LASP1: variants seen among roughly 807,000 people sequenced by gnomAD.
The protein encoded by LASP1 is LIM and SH3 protein 1, also known as LIM and SH3 domain protein 1.
In LASP1, 10 loss-of-function variants were observed where a neutral mutation model predicts 38.6. The observed-to-expected ratio is 0.26, with a 90% CI of 0.16 to 0.44. The LOEUF is 0.44. LASP1 is among the 20% of genes least tolerant of loss of function. LASP1 has a pLI of 1.00. For missense variants in LASP1, 243 were observed against 375.7 expected (o/e 0.65, Z 2.92); for synonymous variants, 132 against 140.8 (o/e 0.94, Z 0.44).
At chr17:38,888,318 G>A (rs1030566756) in intron 2 of LASP1, among the ~76,000 whole-genome samples, 1 of 150,610 alleles carries the variant, frequency 6.6e-6, no homozygotes. Flanking sequence ...TCTTGCTCTC[G>A]CCCAGACTAG....
At chr17:38,905,403 G>A (rs1024250398) in intron 4 of LASP1, among the ~76,000 whole-genome samples, 3 of 151,752 alleles carry the variant, frequency 2.0e-5, no homozygotes, top group Non-Finnish European at 2.9e-5. Flanking sequence ...TGGCGCACTC[G>A]GTGGCGCAAT....
intron 4 of LASP1, among the ~76,000 whole-genome samples, chr17:38,908,889 CGTT>C (rs1374860865): frequency 2.0e-5 from 3 of 152,224 alleles, no homozygotes; most frequent in Non-Finnish European, 2.9e-5. Flanking sequence ...GCAGCAGAGA[CGTT>C]GTGCGGAGGG....
rs1411083721 is a variant in LASP1, at chr17:38,918,513, T to C, written c.613-92T>C. 4.7e-6 allele frequency: 6 copies of C among 1,289,384 alleles called. No homozygotes were observed. Among genetic ancestry groups the C allele is most frequent in the Non-Finnish European group, 6.4e-6 (6 of 934,764 alleles). 79.9% of individuals were successfully genotyped at this position (1,289,384 alleles called of 1,614,324 possible). A position where few individuals can be genotyped will look rare whatever the true frequency, so the allele number is the denominator to read the frequency against. On this transcript the variant is annotated intron_variant, in intron 6 of 6. Coordinates refer to ENST00000318008, the MANE Select transcript of LASP1 (RefSeq NM_006148.4). This position sits in a 1 kb window ranked among gnomAD's most constrained non-coding sequence, Gnocchi z 4.4. ...TTCTGAGTTCACTGCTCCCCCAGGC[T>C]CTGCTCCAGGGTCGTGGAGAGTTAG...
intron 4 of LASP1, among the ~76,000 whole-genome samples, chr17:38,905,587 AT>A (rs1465921704): frequency 6.6e-6 from 1 of 150,582 alleles, no homozygotes; most frequent in African/African-American, 2.4e-5. Flanking sequence ...ATGCGGAACT[AT>A]TTTCCAAGTG....
intron 4 of LASP1, among the ~76,000 whole-genome samples, chr17:38,911,014 C>T (rs1341031609): frequency 6.6e-6 from 1 of 152,130 alleles, no homozygotes; most frequent in African/African-American, 2.4e-5. Flanking sequence ...TGAGTCACCG[C>T]GCCCGGCCAG....
chr17:38,877,973 C>A lies in LASP1; in HGVS notation c.70-113C>A, dbSNP rs965455943. 1.4e-5 allele frequency: 10 copies of A among 737,612 alleles called. No individual in the cohort carries two copies. The Admixed American group carries it at 2.3e-4, about 17-fold the overall frequency. 45.7% of individuals were successfully genotyped at this position (737,612 alleles called of 1,614,324 possible). On this transcript the variant is annotated intron_variant, in intron 1 of 6. Coordinates refer to ENST00000318008, the MANE Select transcript of LASP1 (RefSeq NM_006148.4). Reference sequence around the variant, plus strand: ...CTGGGATGATTCCATGTTCTCCCCACAGCCATGGGCCTAGGACAGTCCCAG... The same window carrying A: ...CTGGGATGATTCCATGTTCTCCCCAAAGCCATGGGCCTAGGACAGTCCCAG...
intron 4 of LASP1, among the ~76,000 whole-genome samples, chr17:38,912,484 A>G (rs1914984471): frequency 6.7e-6 from 1 of 149,864 alleles, no homozygotes; most frequent in African/African-American, 2.5e-5. Context: ...GTGCCGCAGG[A>G]TCTGGTTGCC....
At chr17:38,914,116 G>A (rs968028002) in intron 4 of LASP1, among the ~76,000 whole-genome samples, 9 of 152,168 alleles carry the variant, frequency 5.9e-5, no homozygotes, top group Admixed American at 4.6e-4. Flanking sequence ...AGGGAGACTG[G>A]TGTCTCATTT....
At chr17:38,915,626 CTCT>C (rs1439899655) in intron 6 of LASP1, 4 of 152,854 alleles carry the variant, frequency 2.6e-5, no homozygotes, top group Non-Finnish European at 5.8e-5. Context: ...CTAAAAAGAG[CTCT>C]TCGTGTTGGT....
chr17:38,879,161 C>T (rs79485236), intron 2 of LASP1, among the ~76,000 whole-genome samples: 5 of 123,678 alleles, frequency 4.0e-5, no homozygotes, highest in Non-Finnish European at 4.9e-5. Context: ...TTTTAATTTG[C>T]TTTTTTTTTT....
In LASP1 at chr17:38,918,685, C is replaced by T. The variant is rs747508790; in HGVS notation, c.693C>T (p.Asn231=). 7 of 1,613,822 alleles carry T rather than the reference C, an allele frequency of 4.3e-6. No individual in the cohort carries two copies. Among genetic ancestry groups the T allele is most frequent in the Admixed American group, 1.7e-5 (1 of 59,980 alleles). ...VSFQDGDTIV[N]VQQIDDGWMY... ...TCCAGGACGGGGACACCATCGTCAA[C>T]GTGCAGCAGATCGACGACGGCTGGA... Residue 231 remains asparagine (N), a synonymous_variant, in exon 7 of 7, where the codon AAC becomes AAT. Transcript: ENST00000318008. This position sits in a 1 kb window ranked among gnomAD's most constrained non-coding sequence, Gnocchi z 4.4.
intron 2 of LASP1, among the ~76,000 whole-genome samples, chr17:38,882,893 A>G (rs540708146): frequency 2.0e-5 from 3 of 152,022 alleles, no homozygotes; most frequent in South Asian, 2.1e-4. Flanking sequence ...CTGACTGCAC[A>G]TATTTGGGGT....
In LASP1 at chr17:38,908,347, G is replaced by A. The variant is rs575034913; in HGVS notation, c.358-5978G>A. Among the ~76,000 whole-genome samples, 8 of 152,370 alleles carry A rather than the reference G, an allele frequency of 5.3e-5. No homozygotes were observed. In the South Asian group the frequency reaches 1.2e-3, roughly 24 times the overall value. On this transcript the variant is annotated intron_variant, in intron 4 of 6. Transcript: ENST00000318008. ...CAAAAGTTGGAAGGGCAGGTGCCTC[G>A]TGAGCCTGGAGGCCTCAGGAGGGGT... is the stretch of plus-strand genomic sequence containing the variant.
chr17:38,878,227 T>G, intron 2 of LASP1, 47 bp downstream of exon 2: 1 of 1,275,880 alleles, frequency 7.8e-7, no homozygotes, highest in South Asian at 1.2e-5. Context: ...CTTGGCTCCC[T>G]CCCCGAGTGA....
At chr17:38,908,513 G>A (rs1167378194) in intron 4 of LASP1, among the ~76,000 whole-genome samples, 1 of 152,232 alleles carries the variant, frequency 6.6e-6, no homozygotes. Flanking sequence ...TGCTGGGGTC[G>A]GTTGGATTTT....
intron 4 of LASP1, among the ~76,000 whole-genome samples, chr17:38,908,420 A>G (rs82976): frequency 0.95 from 144,167 of 152,304 alleles, 68,639 homozygotes; most frequent in African/African-American, 0.98. Context: ...GTGGACAGGG[A>G]TCACTAAGAG....
intron 4 of LASP1, among the ~76,000 whole-genome samples, chr17:38,911,645 G>A (rs965554380): frequency 6.6e-6 from 1 of 152,198 alleles, no homozygotes; most frequent in African/African-American, 2.4e-5. Flanking sequence ...CCCCGTGTCT[G>A]GGAGTGCCCT....
chr17:38,872,581 G>T (rs1467777134), intron 1 of LASP1, among the ~76,000 whole-genome samples: 1 of 152,192 alleles, frequency 6.6e-6, no homozygotes, highest in African/African-American at 2.4e-5. Flanking sequence ...GACCAGGAAT[G>T]GGGAGCCAGT....
At chr17:38,912,200 C>A (rs1177586921) in intron 4 of LASP1, among the ~76,000 whole-genome samples, 1 of 152,268 alleles carries the variant, frequency 6.6e-6, no homozygotes, top group African/African-American at 2.4e-5. Flanking sequence ...GGGACCTTGA[C>A]TTTTCCCCTG....
Sources: allele counts gnomAD v4.1 joint callset (sites outside exome capture counted in the v4.1 genomes callset), GRCh38; gene constraint gnomAD v4.1.1; non-coding constraint Gnocchi (gnomAD v3.1); transcripts MANE v1.5; gene names NCBI Gene and HGNC (gene_info 2026-07-23, HGNC 2026-07-21).